Variants in CLPX observed in about 807,000 individuals in gnomAD.
CLPX encodes the protein ATP-dependent clpX-like chaperone, mitochondrial.
CLPX carries 34 observed loss-of-function variants against 76.4 expected under a neutral mutation model. The observed-to-expected ratio is 0.45, with a 90% CI of 0.34 to 0.59. The LOEUF (loss-of-function observed/expected upper bound fraction) is 0.59. Ranked by LOEUF, CLPX falls within the 20% of genes least tolerant of loss-of-function variation. CLPX has a pLI of 0.01. For missense variants in CLPX, 613 were observed against 757.0 expected (o/e 0.81, Z 2.23); for synonymous variants, 248 against 270.9 (o/e 0.92, Z 0.83).
intron 10 of CLPX, among the ~76,000 whole-genome samples, 172 bp from the exon 11 acceptor site, chr15:65,155,253 A>G (rs2087773088): frequency 6.6e-6 from 1 of 152,216 alleles, no homozygotes; most frequent in African/African-American, 2.4e-5. Flanking sequence ...TATCTTGACC[A>G]AAATCTTATT....
rs1009851102 is a variant in CLPX at position 65,185,327 on chromosome 15, G to T, written c.-174C>A. The T allele has an allele frequency of 6.8e-6, 4 of 589,164 alleles. No individual in the cohort carries two copies. The highest frequency in any genetic ancestry group is 9.0e-6 in the Non-Finnish European group (3 of 331,860). 36.5% of individuals were successfully genotyped at this position (589,164 alleles called of 1,614,324 possible). ...CTTCACGCTTCTCTGCCCCACAGCC[G>T]TCTATTCACCAGAGTAGACACCCAA... On this transcript the variant is annotated 5_prime_UTR_variant, in exon 1 of 14. Coordinates refer to ENST00000300107, the MANE Select transcript of CLPX (RefSeq NM_006660.5).
In CLPX at chr15:65,155,644, T is replaced by A. The variant is rs370463401; in HGVS notation, c.1311+48A>T. ...TATGAGAATGGAAACTGAGTGTACA[T>A]CCTTTAAATGCTCTCTATCCTTCTA... is the stretch of plus-strand genomic sequence containing the variant. On this transcript the variant is annotated intron_variant, in intron 10 of 13. Coordinates refer to ENST00000300107, the MANE Select transcript of CLPX (RefSeq NM_006660.5). 1.8e-5 allele frequency: 26 copies of A among 1,469,974 alleles called. No individual in the cohort carries two copies. The African/African-American group carries it at 2.8e-4, about 16-fold the overall frequency. The allele number at this position is 1,469,974 out of a possible 1,614,324, so 91.1% of individuals were successfully genotyped here.
intron 2 of CLPX, among the ~76,000 whole-genome samples, chr15:65,179,548 A>G (rs1045972800): frequency 6.6e-6 from 1 of 152,212 alleles, no homozygotes. Flanking sequence ...AGTCAAATTC[A>G]CGTAATGAAA....
intron 6 of CLPX, among the ~76,000 whole-genome samples, 199 bp from the exon 7 acceptor site, chr15:65,158,950 C>T (rs1435012399): frequency 1.3e-5 from 2 of 152,004 alleles, no homozygotes; most frequent in Non-Finnish European, 2.9e-5. Flanking sequence ...TATAAAGAAC[C>T]TCAAGCAAAG....
intron 12 of CLPX, among the ~76,000 whole-genome samples, chr15:65,152,782 A>G (rs960447634): frequency 4.0e-5 from 6 of 151,794 alleles, no homozygotes; most frequent in Non-Finnish European, 8.8e-5. Flanking sequence ...TTTTTAGTAG[A>G]GATGGGGTTT....
In CLPX at chr15:65,150,930, T is replaced by A; in HGVS notation, c.1812-17A>T. ...GTTGGAGCCCTACAATGAAAAGCCA[T>A]GTTTGTTTTTTTAAAATAAAAAATG... On this transcript the variant is annotated splice_polypyrimidine_tract_variant and intron_variant, in intron 13 of 13. Transcript: ENST00000300107. 6.4e-7 allele frequency: 1 copy of A among 1,563,886 alleles called. No homozygotes were observed.
chr15:65,155,645 C>G, intron 10 of CLPX, 47 bp downstream of exon 10: 2 of 1,480,238 alleles, frequency 1.4e-6, no homozygotes, highest in Admixed American at 1.9e-5. Flanking sequence ...GAGTGTACAT[C>G]CTTTAAATGC....
chr15:65,152,012 C>T (rs1331874359), intron 13 of CLPX, among the ~76,000 whole-genome samples: 1 of 152,104 alleles, frequency 6.6e-6, no homozygotes, highest in African/African-American at 2.4e-5. Flanking sequence ...TCATTGCAAC[C>T]TCCGCCTCCT....
intron 6 of CLPX, among the ~76,000 whole-genome samples, chr15:65,160,972 A>T (rs2087849867): frequency 6.6e-6 from 1 of 152,182 alleles, no homozygotes; most frequent in Non-Finnish European, 1.5e-5. Context: ...GTGGCCACGG[A>T]CAAATTACTT....
chr15:65,167,417 A>G (rs1354817335), intron 3 of CLPX, among the ~76,000 whole-genome samples: 1 of 152,208 alleles, frequency 6.6e-6, no homozygotes, highest in African/African-American at 2.4e-5. Flanking sequence ...GTAATCATCT[A>G]TTTTATTGAA....
intron 1 of CLPX, chr15:65,184,348 C>T (rs941609336): frequency 5.9e-5 from 9 of 152,236 alleles, no homozygotes; most frequent in East Asian, 1.9e-4. Flanking sequence ...ACAACATGCG[C>T]CACTCTTAGG....
At chr15:65,166,503 G>A (rs1349355150) in intron 4 of CLPX, 128 bp downstream of exon 4, 2 of 966,764 alleles carry the variant, frequency 2.1e-6, no homozygotes, top group Non-Finnish European at 3.2e-6. Flanking sequence ...AGCCACATAT[G>A]GTCCATATTA....
Position 65,185,307 on chromosome 15 carries a change from C to A in CLPX, c.-154G>T. 1.6e-6 allele frequency: 1 copy of A among 612,960 alleles called. No individual in the cohort carries two copies. The highest frequency in any genetic ancestry group is 2.9e-6 in the Non-Finnish European group (1 of 345,830). The allele number at this position is 612,960 out of a possible 1,614,324, so 38.0% of individuals were successfully genotyped here. A position where few individuals can be genotyped will look rare whatever the true frequency, so the allele number is the denominator to read the frequency against. ...CACCTGCCCGGCAGCCAGGCCTTCA[C>A]GCTTCTCTGCCCCACAGCCGTCTAT... On this transcript the variant is annotated 5_prime_UTR_variant, in exon 1 of 14. Coordinates refer to ENST00000300107, the MANE Select transcript of CLPX (RefSeq NM_006660.5).
intron 10 of CLPX, 149 bp downstream of exon 10, chr15:65,155,543 C>G (rs559792160): frequency 1.5e-6 from 1 of 683,780 alleles, no homozygotes; most frequent in South Asian, 2.0e-5. Flanking sequence ...GTCACCGCAC[C>G]CTTCCCTGTA....
intron 1 of CLPX, among the ~76,000 whole-genome samples, chr15:65,181,094 G>A (rs572937973): frequency 6.4e-4 from 97 of 151,964 alleles, no homozygotes; most frequent in African/African-American, 2.2e-3. Context: ...AGCTACTCAG[G>A]AGGCTGAGGC....
intron 3 of CLPX, among the ~76,000 whole-genome samples, chr15:65,173,932 C>T (rs2088049641): frequency 6.6e-6 from 1 of 152,074 alleles, no homozygotes; most frequent in Admixed American, 6.6e-5. Context: ...GAAAAATGTT[C>T]TGGAATTAGA....
At chr15:65,181,478 T>C (rs1183786269) in intron 1 of CLPX, among the ~76,000 whole-genome samples, 1 of 152,120 alleles carries the variant, frequency 6.6e-6, no homozygotes, top group Non-Finnish European at 1.5e-5. Context: ...AGGAGCCAGG[T>C]GTGATGGCTC....
chr15:65,170,043 G>A (rs1267637159), intron 3 of CLPX, among the ~76,000 whole-genome samples: 1 of 152,066 alleles, frequency 6.6e-6, no homozygotes, highest in Non-Finnish European at 1.5e-5. Flanking sequence ...TTACAGGCAT[G>A]AGCCACCGCA....
chr15:65,158,050 T>G, intron 7 of CLPX, 140 bp from the exon 8 acceptor site: 1 of 667,242 alleles, frequency 1.5e-6, no homozygotes, highest in East Asian at 3.1e-5. Context: ...TTATTTTTTT[T>G]AGAGACAGGT....
Sources: gnomAD v4.1 joint callset for allele counts (sites outside exome capture counted in the v4.1 genomes callset) on GRCh38, gnomAD v4.1.1 for gene constraint, MANE v1.5 for transcripts, NCBI Gene and HGNC (gene_info 2026-07-23, HGNC 2026-07-21) for gene names.